The following RBFOX2 variants were observed in gnomAD, a reference collection of about 807,000 sequenced individuals.
RBFOX2 encodes the protein RNA binding fox-1 homolog 2, also known as RNA binding protein fox-1 homolog 2.
In RBFOX2, 10 loss-of-function variants were observed where a neutral mutation model predicts 49.1. That is an observed-to-expected ratio of 0.20 (90% confidence interval 0.13 to 0.35). The LOEUF (loss-of-function observed/expected upper bound fraction) is 0.35, where lower values mean the gene tolerates loss of function less well. Ranked by LOEUF, RBFOX2 falls within the 10% of genes least tolerant of loss-of-function variation. RBFOX2 has a pLI of 1.00. For synonymous variants in RBFOX2, 183 were observed against 187.4 expected, an observed-to-expected ratio of 0.98 and a Z score of 0.19; for missense variants, 323 against 486.9, an observed-to-expected ratio of 0.66 and a Z score of 3.17.
intron 2 of RBFOX2, among the ~76,000 whole-genome samples, chr22:35,803,147 A>AACACACACACAC (rs374346895): frequency 2.5e-4 from 36 of 145,844 alleles, no homozygotes; most frequent in Admixed American, 4.8e-4. Flanking sequence ...AATTACTTAA[A>AACACACACACAC]ACACACACAC....
At chr22:35,938,980 TA>T, upstream of RBFOX2, 1 of 1,291,390 alleles carries the variant, frequency 7.7e-7, no homozygotes, top group Non-Finnish European at 1.1e-6. Context: ...ACTGATCAAA[TA>T]TAAATTCCTG....
chr22:36,016,785 A>G (rs1418866520), intron 1 of RBFOX2, among the ~76,000 whole-genome samples: 2 of 152,206 alleles, frequency 1.3e-5, no homozygotes, highest in East Asian at 1.9e-4. Context: ...CATCTACTTC[A>G]TAAGTGGTAT....
chr22:35,779,640 A>G (rs1417347818), intron 3 of RBFOX2, among the ~76,000 whole-genome samples: 1 of 152,186 alleles, frequency 6.6e-6, no homozygotes, highest in Non-Finnish European at 1.5e-5. Flanking sequence ...CTTCTGGAGT[A>G]AGGATCACAC....
At chr22:35,762,765 A>G (rs2146396335) in intron 6 of RBFOX2, among the ~76,000 whole-genome samples, 2 of 152,252 alleles carry the variant, frequency 1.3e-5, no homozygotes, top group Admixed American at 1.3e-4. Context: ...TCAGCCTCCC[A>G]GAGTGCTGGG....
At chr22:35,856,829 T>C (rs1239609764) in intron 1 of RBFOX2, among the ~76,000 whole-genome samples, 1 of 152,050 alleles carries the variant, frequency 6.6e-6, no homozygotes, top group Non-Finnish European at 1.5e-5. Context: ...ACTCAGGAGT[T>C]TGAGACCAGC....
intron 9 of RBFOX2, chr22:35,756,113 C>G (rs1936856530): frequency 6.7e-7 from 1 of 1,501,790 alleles, no homozygotes; most frequent in Non-Finnish European, 9.0e-7. Flanking sequence ...ACATAGAGGT[C>G]AGCACCGTAA....
intron 1 of RBFOX2, chr22:35,822,042 C>T (rs905732209): frequency 2.0e-6 from 1 of 492,776 alleles, no homozygotes. Flanking sequence ...AAAGAGAGGG[C>T]CAGCCTTTCT....
At chr22:35,809,848 A>G in exon 2 of RBFOX2, 1 of 1,613,968 alleles carries the variant, frequency 6.2e-7, no homozygotes, top group Non-Finnish European at 8.5e-7. Flanking sequence ...GTACTTCCGT[A>G]GAGTGTCAGG....
intron 2 of RBFOX2, among the ~76,000 whole-genome samples, chr22:35,809,343 A>G (rs891493032): frequency 6.6e-6 from 1 of 152,210 alleles, no homozygotes; most frequent in African/African-American, 2.4e-5. Flanking sequence ...AAGAAGACGA[A>G]GTAGTTTTAG....
chr22:35,914,765 C>A (rs1384266977), intron 1 of RBFOX2, among the ~76,000 whole-genome samples: 1 of 152,140 alleles, frequency 6.6e-6, no homozygotes, highest in African/African-American at 2.4e-5. Flanking sequence ...AAGAATGTCA[C>A]CCGATCCCCG....
At chr22:35,919,169 A>G (rs2050748771) in intron 1 of RBFOX2, among the ~76,000 whole-genome samples, 1 of 152,254 alleles carries the variant, frequency 6.6e-6, no homozygotes, top group Non-Finnish European at 1.5e-5. Context: ...TGTATACAGA[A>G]TAGGCAAAAT....
chr22:35,961,610 T>C lies in RBFOX2; in HGVS notation c.-6A>G, dbSNP rs1245227033. 2 of 1,304,132 alleles carry C rather than the reference T, an allele frequency of 1.5e-6. 1 individual carries two copies. Among genetic ancestry groups the C allele is most frequent in the Non-Finnish European group, 2.0e-6 (2 of 988,918 alleles). 80.8% of individuals were successfully genotyped at this position (1,304,132 alleles called of 1,614,324 possible). On this transcript the variant is annotated 5_prime_UTR_variant, in exon 1 of 6. Coordinates refer to the RBFOX2 transcript ENST00000408983. ...TCCATGGAATCTGATGACATCACTC[T>C]CTCTTCCTTCCTGGAATTCTAAACC... is the stretch of plus-strand genomic sequence containing the variant.
intron 2 of RBFOX2, among the ~76,000 whole-genome samples, chr22:35,797,270 C>T (rs1178231217): frequency 6.6e-6 from 1 of 152,028 alleles, no homozygotes; most frequent in African/African-American, 2.4e-5. Flanking sequence ...ATTTGAGTGC[C>T]AGATGCATAA....
intron 1 of RBFOX2, among the ~76,000 whole-genome samples, chr22:35,914,341 C>G (rs889012265): frequency 2.6e-5 from 4 of 152,220 alleles, no homozygotes; most frequent in African/African-American, 9.6e-5. Context: ...CCCTAAACCT[C>G]AAGGCTAGCG....
exon 12 of RBFOX2, chr22:35,743,431 T>G (rs1930925793): frequency 6.6e-6 from 1 of 152,180 alleles, no homozygotes. Context: ...GAAATGATCT[T>G]TTTCATACTC....
intron 1 of RBFOX2, among the ~76,000 whole-genome samples, chr22:35,832,134 G>A (rs980392536): frequency 2.0e-5 from 3 of 152,202 alleles, no homozygotes; most frequent in Admixed American, 2.0e-4. Context: ...CACTTTGGGA[G>A]GTCGAGGCAG....
At chr22:35,872,157 C>T (rs547013704) in intron 1 of RBFOX2, among the ~76,000 whole-genome samples, 56 of 152,226 alleles carry the variant, frequency 3.7e-4, no homozygotes, top group African/African-American at 1.2e-3. Flanking sequence ...TCTTAGAATT[C>T]GACATGTTAA....
At position 35,760,378 on chromosome 22, in the gene RBFOX2, C is replaced by T. The variant is rs5755942; in HGVS notation, c.755-358G>A. Among the ~76,000 whole-genome samples the T allele has an allele frequency of 0.012, 1,795 of 152,270 alleles. 102 individuals carry two copies. In the East Asian group the frequency reaches 0.18, roughly 15 times the overall value. On this transcript the variant is annotated intron_variant, in intron 8 of 11. Coordinates refer to ENST00000405409, the Ensembl canonical transcript of RBFOX2. Reference sequence around the variant, plus strand: ...GAGACAGACTTTTAATTACTGTGGGCAGTCTAAATCAGATTGACACAAACT... The same window carrying T: ...GAGACAGACTTTTAATTACTGTGGGTAGTCTAAATCAGATTGACACAAACT...
Position 35,894,314 on chromosome 22 carries a change from T to C in RBFOX2, c.-34+44533A>G, listed in dbSNP as rs761994231. Among the ~76,000 whole-genome samples, 3 of 152,190 alleles carry C rather than the reference T, an allele frequency of 2.0e-5. No individual in the cohort carries two copies. The East Asian group carries it at 5.8e-4, about 29-fold the overall frequency. ...CCTCACACAATTTTAATAACAGTAGTGAGTGACCTATTTCACAAGACTATT... is the reference window on the plus strand; with the variant it reads ...CCTCACACAATTTTAATAACAGTAGCGAGTGACCTATTTCACAAGACTATT... On this transcript the variant is annotated intron_variant, in intron 1 of 13. Transcript: ENST00000359369.
Sources: gnomAD v4.1 joint callset for allele counts (sites outside exome capture counted in the v4.1 genomes callset) on GRCh38, gnomAD v4.1.1 for gene constraint, MANE v1.5 for transcripts, NCBI Gene and HGNC (gene_info 2026-07-23, HGNC 2026-07-21) for gene names.